USP7: variants seen among roughly 807,000 people sequenced by gnomAD.
The protein encoded by USP7 is ubiquitin specific peptidase 7.
A neutral mutation model predicts 162.9 loss-of-function variants in USP7; 9 were observed. The observed-to-expected ratio is 0.06, with a 90% confidence interval of 0.03 to 0.10. The LOEUF (loss-of-function observed/expected upper bound fraction) is 0.10, where lower values mean the gene tolerates loss of function less well. USP7 is among the 10% of genes least tolerant of loss of function. The pLI, the probability that USP7 is intolerant of heterozygous loss-of-function variation, is 1.00. For missense variants in USP7, 715 were observed against 1,373.7 expected, an observed-to-expected ratio of 0.52 and a Z score of 7.58; for synonymous variants, 562 against 475.9, an observed-to-expected ratio of 1.18 and a Z score of -2.35.
chr16:8,928,922 G>A (rs1206598761), intron 2 of USP7, among the ~76,000 whole-genome samples: 1 of 151,992 alleles, frequency 6.6e-6, no homozygotes, highest in East Asian at 1.9e-4. Context: ...CAAGTGGAGG[G>A]CAGCAGCCAT....
chr16:8,954,704 G>A (rs76682701), intron 1 of USP7, among the ~76,000 whole-genome samples: 7,631 of 152,250 alleles, frequency 0.05, 243 homozygotes, highest in Middle Eastern at 0.15. Context: ...GGCCGGGCAC[G>A]GTGGACTCAC....
intron 1 of USP7, among the ~76,000 whole-genome samples, chr16:8,932,012 G>C (rs555392840): frequency 1.3e-5 from 2 of 152,036 alleles, no homozygotes; most frequent in African/African-American, 2.4e-5. Context: ...TCTGCCATCC[G>C]AACCAGCAAG....
At chr16:8,943,236 T>C (rs1257179414) in intron 1 of USP7, among the ~76,000 whole-genome samples, 2 of 152,166 alleles carry the variant, frequency 1.3e-5, no homozygotes, top group Non-Finnish European at 2.9e-5. Context: ...CAAAAGTGCC[T>C]GTCCAAACAC....
At position 8,955,213 on chromosome 16, in the gene USP7, TC is replaced by T. The variant is rs1899737014; in HGVS notation, c.79+7993del. On this transcript the variant is annotated intron_variant, in intron 1 of 30. Coordinates refer to ENST00000344836, the MANE Select transcript of USP7 (RefSeq NM_003470.3). ...ACTTGGGTTTCTCTTTCCGTATGGCTCGTTTTTTTACATATTAATCTGTTTG... is the reference window on the plus strand; with the variant it reads ...ACTTGGGTTTCTCTTTCCGTATGGCTGTTTTTTTACATATTAATCTGTTTG... Among the ~76,000 whole-genome samples, 2 of 152,208 alleles carry T rather than the reference TC, an allele frequency of 1.3e-5. 1 individual carries two copies. The highest frequency in any genetic ancestry group is 4.1e-4 in the South Asian group (2 of 4,828).
At chr16:8,950,317 G>C (rs1376356922) in intron 1 of USP7, among the ~76,000 whole-genome samples, 1 of 152,044 alleles carries the variant, frequency 6.6e-6, no homozygotes, top group East Asian at 1.9e-4. Flanking sequence ...TAAAAAAAAA[G>C]ATGGGACCCA....
At chr16:8,916,703 T>C (rs1196583794) in intron 7 of USP7, 147 bp from the exon 8 acceptor site, 1 of 875,614 alleles carries the variant, frequency 1.1e-6, no homozygotes, top group East Asian at 2.6e-5. Flanking sequence ...GGAGTCATAA[T>C]TCAAAGATAG....
At chr16:8,905,961 T>A (rs565146673) in intron 13 of USP7, among the ~76,000 whole-genome samples, 1 of 152,232 alleles carries the variant, frequency 6.6e-6, no homozygotes, top group East Asian at 1.9e-4. Context: ...CCTGTGGTCT[T>A]GGGGGTAGAT....
At chr16:8,937,447 C>G (rs1303225426) in intron 1 of USP7, among the ~76,000 whole-genome samples, 2 of 152,178 alleles carry the variant, frequency 1.3e-5, no homozygotes, top group Non-Finnish European at 2.9e-5. Context: ...GAGGCTGAGG[C>G]AGGAGAATCA....
chr16:8,906,606 A>C, intron 12 of USP7, 24 bp from the exon 13 acceptor site: 2 of 1,603,972 alleles, frequency 1.2e-6, no homozygotes, highest in Non-Finnish European at 1.7e-6. Flanking sequence ...TTTTAAAAGA[A>C]ATTCAGTATT....
chr16:8,956,693 T>A (rs1596417863), intron 1 of USP7, among the ~76,000 whole-genome samples: 1 of 151,470 alleles, frequency 6.6e-6, no homozygotes, highest in Admixed American at 6.6e-5. Flanking sequence ...AACCCAGGGG[T>A]CAGAGGTTGC....
intron 13 of USP7, 98 bp from the exon 14 acceptor site, chr16:8,905,429 T>A (rs77888871): frequency 2.1e-6 from 3 of 1,452,074 alleles, no homozygotes; most frequent in Non-Finnish European, 2.9e-6. Flanking sequence ...AACTTCTAGG[T>A]ATGCCCCTAG....
chr16:8,898,881 C>T (rs1262440078), intron 23 of USP7, among the ~76,000 whole-genome samples: 1 of 152,192 alleles, frequency 6.6e-6, no homozygotes, highest in East Asian at 1.9e-4. Context: ...CAGCTGGACA[C>T]ATGGGAGATG....
intron 1 of USP7, among the ~76,000 whole-genome samples, chr16:8,951,143 G>C (rs1899528093): frequency 6.6e-6 from 1 of 152,048 alleles, no homozygotes; most frequent in Admixed American, 6.6e-5. Flanking sequence ...ACCAAGTAAG[G>C]ATTTCTGTAT....
chr16:8,959,621 T>C (rs1375833973), intron 1 of USP7, among the ~76,000 whole-genome samples: 3 of 152,224 alleles, frequency 2.0e-5, no homozygotes, highest in Non-Finnish European at 4.4e-5. Flanking sequence ...GAAGCCAATG[T>C]AAGGAAAATC....
At chr16:8,894,138 A>C (rs1212978506) in intron 30 of USP7, 34 bp from the exon 31 acceptor site, 4 of 1,594,386 alleles carry the variant, frequency 2.5e-6, no homozygotes, top group Non-Finnish European at 3.4e-6. Context: ...GTGAGGCCAC[A>C]GAGCAGCCCT....
intron 22 of USP7, 178 bp downstream of exon 22, chr16:8,899,426 T>G: frequency 1.1e-6 from 1 of 890,254 alleles, no homozygotes; most frequent in Non-Finnish European, 1.7e-6. Flanking sequence ...GGTTCTTTTC[T>G]GATGGCGATT....
intron 1 of USP7, among the ~76,000 whole-genome samples, chr16:8,957,982 C>T (rs1474824224): frequency 6.6e-6 from 1 of 152,180 alleles, no homozygotes; most frequent in Non-Finnish European, 1.5e-5. Flanking sequence ...CGTTTTATGG[C>T]TTCAGCGTCT....
chr16:8,953,591 G>A (rs1567248265), intron 1 of USP7, among the ~76,000 whole-genome samples: 3 of 84,418 alleles, frequency 3.6e-5, no homozygotes, highest in African/African-American at 4.3e-5. Context: ...TGCCCCATGC[G>A]GCGCCACCGG....
intron 25 of USP7, among the ~76,000 whole-genome samples, chr16:8,897,920 T>C (rs1282312320): frequency 6.6e-6 from 1 of 150,664 alleles, no homozygotes; most frequent in African/African-American, 2.4e-5. Flanking sequence ...ACCTAAAATG[T>C]GGCTGGATGC....
Sources: allele counts gnomAD v4.1 joint callset (sites outside exome capture counted in the v4.1 genomes callset), GRCh38; gene constraint gnomAD v4.1.1; transcripts MANE v1.5; gene names NCBI Gene and HGNC (gene_info 2026-07-23, HGNC 2026-07-21).